The following EPHA6 variants were observed in gnomAD, a reference collection of about 807,000 sequenced individuals.
The protein encoded by EPHA6 is ephrin type-A receptor 6.
Under a neutral mutation model 112.0 loss-of-function variants are expected in EPHA6, and 50 were observed. That is an observed-to-expected ratio of 0.45 (90% CI 0.36 to 0.56). The LOEUF (loss-of-function observed/expected upper bound fraction) is 0.56, where lower values mean the gene tolerates loss of function less well. Ranked by LOEUF, EPHA6 falls within the 20% of genes least tolerant of loss-of-function variation. The probability of loss-of-function intolerance (pLI) is 0.00; values close to 1 mark genes in which losing one functional copy is unlikely to be tolerated. For missense variants in EPHA6, 1,280 were observed against 1,417.4 expected, an observed-to-expected ratio of 0.90 and a Z score of 1.56; for synonymous variants, 529 against 490.7, an observed-to-expected ratio of 1.08 and a Z score of -1.03.
intron 3 of EPHA6, among the ~76,000 whole-genome samples, chr3:97,151,830 A>T (rs911634674): frequency 3.3e-5 from 5 of 152,058 alleles, no homozygotes; most frequent in Admixed American, 3.3e-4. Context: ...TCTATAATTT[A>T]TACTGGTAAT....
chr3:97,453,828 T>C (rs1290006396), intron 7 of EPHA6, among the ~76,000 whole-genome samples: 1 of 151,730 alleles, frequency 6.6e-6, no homozygotes, highest in East Asian at 1.9e-4. Flanking sequence ...TGCAAGATTA[T>C]GTTTCGGTTT....
rs539357815 is a variant in EPHA6, at chr3:97,100,232, T to G, written c.1114+112239T>G. On this transcript the variant is annotated intron_variant, in intron 3 of 17. Transcript: ENST00000389672. ...TAGAGATCAAAGCACACAATAAATA[T>G]AGTTTATATATATCTATATATTTTA... Among the ~76,000 whole-genome samples the G allele has an allele frequency of 1.8e-3, 262 of 149,672 alleles. 1 individual carries two copies. Among genetic ancestry groups the G allele is most frequent in the Non-Finnish European group, 2.9e-3 (194 of 67,436 alleles).
chr3:97,365,166 G>A (rs937663600), intron 5 of EPHA6, among the ~76,000 whole-genome samples: 1 of 152,016 alleles, frequency 6.6e-6, no homozygotes, highest in Non-Finnish European at 1.5e-5. Flanking sequence ...TGTGTAAGAA[G>A]CTATTATCAT....
chr3:97,554,606 C>G (rs555156963), intron 11 of EPHA6, among the ~76,000 whole-genome samples: 1 of 152,014 alleles, frequency 6.6e-6, no homozygotes, highest in Admixed American at 6.6e-5. Context: ...TTTTTCCACT[C>G]TTTTCAACAT....
At chr3:97,261,985 G>A (rs9831781) in intron 5 of EPHA6, among the ~76,000 whole-genome samples, 7,874 of 152,208 alleles carry the variant, frequency 0.052, 661 homozygotes, top group African/African-American at 0.17. Context: ...CCTAGGGAGA[G>A]CCACAGTTCT....
chr3:97,181,410 G>A (rs1026371125), intron 3 of EPHA6, among the ~76,000 whole-genome samples: 5 of 151,908 alleles, frequency 3.3e-5, no homozygotes, highest in African/African-American at 1.2e-4. Flanking sequence ...CTCATTGAGG[G>A]GAATGATCAC....
At chr3:96,839,521 G>A (rs574198655) in intron 1 of EPHA6, among the ~76,000 whole-genome samples, 2 of 151,994 alleles carry the variant, frequency 1.3e-5, no homozygotes, top group Admixed American at 6.6e-5. Context: ...AAAGACCTAA[G>A]GGTTTTGGAA....
intron 14 of EPHA6, chr3:97,646,244 C>G: frequency 6.5e-7 from 1 of 1,535,372 alleles, no homozygotes; most frequent in Non-Finnish European, 8.7e-7. Context: ...GGAAGAGAAA[C>G]AGAAGGGCCA....
chr3:97,002,378 T>G (rs2043699093), intron 3 of EPHA6, among the ~76,000 whole-genome samples: 1 of 147,952 alleles, frequency 6.8e-6, no homozygotes, highest in African/African-American at 2.4e-5. Context: ...CATACCTTAC[T>G]TATGTAAATA....
At chr3:97,044,636 T>C (rs1004119121) in intron 3 of EPHA6, among the ~76,000 whole-genome samples, 2 of 149,044 alleles carry the variant, frequency 1.3e-5, no homozygotes, top group Middle Eastern at 3.4e-3. Context: ...AGGAACAAAA[T>C]AACAAAGGGA....
intron 2 of EPHA6, among the ~76,000 whole-genome samples, chr3:96,903,311 G>A (rs1387444588): frequency 6.6e-6 from 1 of 152,082 alleles, no homozygotes; most frequent in Non-Finnish European, 1.5e-5. Flanking sequence ...AGGACAAAGA[G>A]GTGTCATTCT....
At chr3:96,958,179 ACT>A in intron 2 of EPHA6, among the ~76,000 whole-genome samples, 1 of 152,084 alleles carries the variant, frequency 6.6e-6, no homozygotes, top group Admixed American at 6.6e-5. Flanking sequence ...ATTCCCAGCT[ACT>A]TGGGTGGCTG....
At chr3:97,051,432 T>TA (rs562324450) in intron 3 of EPHA6, among the ~76,000 whole-genome samples, 1 of 152,220 alleles carries the variant, frequency 6.6e-6, no homozygotes, top group Non-Finnish European at 1.5e-5. Context: ...GGTAAAAATA[T>TA]AAAAAATAAT....
chr3:96,907,455 A>G lies in EPHA6; in HGVS notation c.450+40566A>G, dbSNP rs187354854. 4.0e-5 allele frequency among the ~76,000 whole-genome samples: 6 copies of G among 150,752 alleles called. No individual in the cohort carries two copies. The East Asian group carries it at 1.2e-3, about 30-fold the overall frequency. The stretch of plus-strand genomic sequence containing the variant: ...TGCAACTATTTCTAGACTTTTTCTT[A>G]TTGTCGTTTACTAGGAAAAAAAATT... On this transcript the variant is annotated intron_variant, in intron 2 of 17. Coordinates refer to ENST00000389672, the MANE Select transcript of EPHA6 (RefSeq NM_001080448.3).
chr3:97,719,141 A>G (rs1361214535), intron 14 of EPHA6, among the ~76,000 whole-genome samples: 7 of 122,646 alleles, frequency 5.7e-5, no homozygotes, highest in African/African-American at 2.2e-4. Flanking sequence ...TTACTCAATT[A>G]ATAGTTTCAC....
chr3:97,146,825 G>T (rs1022342517), intron 3 of EPHA6, among the ~76,000 whole-genome samples: 6 of 151,440 alleles, frequency 4.0e-5, no homozygotes, highest in Admixed American at 2.0e-4. Flanking sequence ...TTCATTCTCT[G>T]CACTACTGCC....
At chr3:96,842,769 C>T (rs1682050391) in intron 1 of EPHA6, among the ~76,000 whole-genome samples, 1 of 151,938 alleles carries the variant, frequency 6.6e-6, no homozygotes, top group Non-Finnish European at 1.5e-5. Context: ...AGAGAAAATT[C>T]CCCCAGAAAA....
intron 2 of EPHA6, among the ~76,000 whole-genome samples, chr3:96,930,301 A>C (rs2107653732): frequency 6.6e-6 from 1 of 152,118 alleles, no homozygotes; most frequent in South Asian, 2.1e-4. Context: ...GGCACTCTAT[A>C]TTTTTGAGTT....
At chr3:97,558,028 T>C (rs2093137377) in intron 11 of EPHA6, among the ~76,000 whole-genome samples, 1 of 151,896 alleles carries the variant, frequency 6.6e-6, no homozygotes, top group Non-Finnish European at 1.5e-5. Flanking sequence ...AGATGGAGGG[T>C]TCCCTAAGCA....
Sources: gnomAD v4.1 joint callset for allele counts (sites outside exome capture counted in the v4.1 genomes callset) on GRCh38, gnomAD v4.1.1 for gene constraint, MANE v1.5 for transcripts, NCBI Gene and HGNC (gene_info 2026-07-23, HGNC 2026-07-21) for gene names.